Variants in KMT2C observed in about 807,000 individuals in gnomAD.
KMT2C encodes histone-lysine N-methyltransferase 2C.
A neutral mutation model predicts 507.9 loss-of-function variants in KMT2C; 88 were observed. The observed-to-expected ratio is 0.17, with a 90% CI of 0.15 to 0.21. The LOEUF (loss-of-function observed/expected upper bound fraction) is 0.21, where lower values mean the gene tolerates loss of function less well. KMT2C is among the 10% of genes least tolerant of loss of function. KMT2C has a pLI of 1.00. For synonymous variants in KMT2C, 2,049 were observed against 2,080.8 expected (o/e 0.98, Z 0.42); for missense variants, 4,954 against 5,957.8 (o/e 0.83, Z 5.55).
chr7:152,265,293 T>C (rs185073915), intron 7 of KMT2C, 84 bp from the exon 8 acceptor site: 20 of 1,565,716 alleles, frequency 1.3e-5, no homozygotes, highest in Non-Finnish European at 1.6e-5. Flanking sequence ...TTGAAAGGAT[T>C]TGCATCATGA....
intron 1 of KMT2C, among the ~76,000 whole-genome samples, chr7:152,424,072 G>C (rs1236912428): frequency 6.6e-6 from 1 of 152,118 alleles, no homozygotes; most frequent in African/African-American, 2.4e-5. Context: ...TTCAGTAAAA[G>C]AGGATGGAAA....
intron 1 of KMT2C, among the ~76,000 whole-genome samples, chr7:152,386,099 A>C (rs2097423572): frequency 1.3e-5 from 2 of 151,474 alleles, no homozygotes; most frequent in African/African-American, 4.8e-5. Context: ...AAAAAAAATT[A>C]ATAAAAATAA....
At chr7:152,362,306 G>C (rs9690324) in intron 1 of KMT2C, among the ~76,000 whole-genome samples, 1 of 151,880 alleles carries the variant, frequency 6.6e-6, no homozygotes. Flanking sequence ...GAGCAAGTGA[G>C]GGGGGTTAGA....
intron 11 of KMT2C, among the ~76,000 whole-genome samples, chr7:152,251,301 G>A (rs1433027017): frequency 2.0e-5 from 3 of 152,026 alleles, no homozygotes; most frequent in Non-Finnish European, 2.9e-5. Context: ...TTTTTTAAAA[G>A]GTAACTGGCA....
intron 2 of KMT2C, among the ~76,000 whole-genome samples, chr7:152,337,777 C>G (rs1215910440): frequency 3.3e-5 from 5 of 151,698 alleles, no homozygotes; most frequent in Admixed American, 1.3e-4. Flanking sequence ...AGTGATGTAG[C>G]TGCTATTCTG....
chr7:152,191,162 T>C (rs2093780412), intron 31 of KMT2C, among the ~76,000 whole-genome samples: 1 of 152,248 alleles, frequency 6.6e-6, no homozygotes, highest in African/African-American at 2.4e-5. Flanking sequence ...CATGTGCAAT[T>C]AGCACAATTA....
At chr7:152,201,919 G>A (rs6943984) in intron 26 of KMT2C, among the ~76,000 whole-genome samples, 17,115 of 152,052 alleles carry the variant, frequency 0.11, 2,208 homozygotes, top group African/African-American at 0.31. Context: ...GTGGAATGGT[G>A]TTTAAATCCT....
chr7:152,255,120 T>TATATATATAC (rs1554583677), intron 9 of KMT2C, among the ~76,000 whole-genome samples: 2 of 103,024 alleles, frequency 1.9e-5, no homozygotes, highest in African/African-American at 6.1e-5. Context: ...TATATATATA[T>TATATATATAC]ATATATATAT....
chr7:152,368,371 GAAGA>G (rs1318675580), intron 1 of KMT2C: 21 of 1,108,958 alleles, frequency 1.9e-5, no homozygotes, highest in South Asian at 8.0e-5. Context: ...ACAAATGGAA[GAAGA>G]AAGAAGGGAG....
At chr7:152,309,440 C>A (rs1200362495) in intron 6 of KMT2C, among the ~76,000 whole-genome samples, 3 of 149,904 alleles carry the variant, frequency 2.0e-5, no homozygotes, top group African/African-American at 7.4e-5. Context: ...CTTCCCACCT[C>A]AGCACCCCAA....
chr7:152,420,732 A>C (rs2097772167), intron 1 of KMT2C, among the ~76,000 whole-genome samples: 3 of 151,794 alleles, frequency 2.0e-5, no homozygotes, highest in Admixed American at 2.0e-4. Context: ...CTACTCGGGA[A>C]GCTGAGGCAG....
chr7:152,231,426 A>G (rs2095106999), intron 16 of KMT2C, among the ~76,000 whole-genome samples: 1 of 152,310 alleles, frequency 6.6e-6, no homozygotes, highest in Admixed American at 6.5e-5. Context: ...GAAACACAAC[A>G]GGTTATGTTC....
At chr7:152,255,097 A>C (rs2095622809) in intron 9 of KMT2C, among the ~76,000 whole-genome samples, 1 of 131,746 alleles carries the variant, frequency 7.6e-6, no homozygotes, top group Non-Finnish European at 1.6e-5. Context: ...CAAGATGTCA[A>C]TCAACTCTCA....
Position 152,154,429 on chromosome 7 carries a change from C to G in KMT2C, c.11977G>C (p.Gly3993Arg). Reference protein sequence around the residue: ...QEELRIQDHCGDRDTPDSFVP... With the variant: ...QEELRIQDHCRDRDTPDSFVP... ...AAACTGTCAGGAGTATCTCGATCAC[C>G]ACAGTGATCCTGTATCCTGAAAAAA... Residue 3993 changes from glycine to arginine, a missense_variant, in exon 47 of 59, where the codon GGT becomes CGT. Gly to Arg is a moderately radical substitution (Grantham distance 125). Coordinates refer to ENST00000262189, the MANE Select transcript of KMT2C (RefSeq NM_170606.3). 3 of 1,613,352 alleles carry G rather than the reference C, an allele frequency of 1.9e-6. No individual in the cohort carries two copies. Among genetic ancestry groups the G allele is most frequent in the Non-Finnish European group, 2.5e-6 (3 of 1,179,896 alleles).
At chr7:152,218,365 T>C (rs1242630393) in intron 23 of KMT2C, among the ~76,000 whole-genome samples, 2 of 152,128 alleles carry the variant, frequency 1.3e-5, no homozygotes, top group East Asian at 1.9e-4. Context: ...GGTTTTACCA[T>C]GTTGGCCAGG....
intron 55 of KMT2C, among the ~76,000 whole-genome samples, chr7:152,143,035 C>G (rs1240919750): frequency 6.6e-6 from 1 of 152,144 alleles, no homozygotes; most frequent in East Asian, 1.9e-4. Context: ...AGGTTGAACA[C>G]AGTTAAGATA....
intron 1 of KMT2C, among the ~76,000 whole-genome samples, chr7:152,395,481 G>A (rs1449025217): frequency 6.6e-6 from 1 of 151,696 alleles, no homozygotes; most frequent in Non-Finnish European, 1.5e-5. Flanking sequence ...GAGCCACAGT[G>A]CCTAACCATT....
At chr7:152,297,520 G>A (rs2096527741) in intron 6 of KMT2C, among the ~76,000 whole-genome samples, 1 of 152,158 alleles carries the variant, frequency 6.6e-6, no homozygotes. Flanking sequence ...TACAAAGCCA[G>A]GAATAGTATC....
chr7:152,281,498 G>C (rs2096207457), intron 6 of KMT2C, among the ~76,000 whole-genome samples: 1 of 152,150 alleles, frequency 6.6e-6, no homozygotes, highest in Non-Finnish European at 1.5e-5. Flanking sequence ...TTGGAAGGCA[G>C]AGGTAGGTGG....
Sources: gnomAD v4.1 joint callset for allele counts (sites outside exome capture counted in the v4.1 genomes callset) on GRCh38, gnomAD v4.1.1 for gene constraint, MANE v1.5 for transcripts, NCBI Gene and HGNC (gene_info 2026-07-23, HGNC 2026-07-21) for gene names.